Variants in ZFHX3 observed in about 807,000 individuals in gnomAD.
ZFHX3 encodes the protein zinc finger homeobox 3.
In ZFHX3, 42 loss-of-function variants were observed where a neutral mutation model predicts 279.1. The observed-to-expected ratio is 0.15, with a 90% CI of 0.12 to 0.19. The LOEUF (loss-of-function observed/expected upper bound fraction) is 0.19, where lower values mean the gene tolerates loss of function less well. Among genes scored for constraint, ZFHX3 ranks in the 10% least tolerant of loss-of-function variants. The pLI is 1.00. For synonymous variants in ZFHX3, 2,293 were observed against 1,957.8 expected (o/e 1.17, Z -4.52); for missense variants, 4,981 against 4,754.0 (o/e 1.05, Z -1.40).
chr16:73,357,785 A>C (rs2016369054), intron 3 of ZFHX3, among the ~76,000 whole-genome samples: 1 of 152,170 alleles, frequency 6.6e-6, no homozygotes, highest in Non-Finnish European at 1.5e-5. Flanking sequence ...TCACTCTGTC[A>C]GACTCCTCAC....
intron 2 of ZFHX3, among the ~76,000 whole-genome samples, chr16:73,525,453 C>G (rs543615583): frequency 3.9e-5 from 6 of 152,158 alleles, no homozygotes; most frequent in South Asian, 4.1e-4. Flanking sequence ...AAAAGAGGAT[C>G]TCACGGAAAA....
intron 1 of ZFHX3, among the ~76,000 whole-genome samples, chr16:73,054,417 G>C (rs1249236024): frequency 7.2e-6 from 1 of 138,044 alleles, no homozygotes; most frequent in East Asian, 2.2e-4. Context: ...TCCCGATACA[G>C]GAGGTCGGTA....
chr16:73,752,219 T>C (rs1423951892), intron 1 of ZFHX3, among the ~76,000 whole-genome samples: 2 of 152,186 alleles, frequency 1.3e-5, no homozygotes, highest in African/African-American at 2.4e-5. Context: ...TTGGATTCCA[T>C]GTGCGTCTCT....
At chr16:73,352,895 C>G (rs1242652809) in intron 3 of ZFHX3, among the ~76,000 whole-genome samples, 1 of 152,152 alleles carries the variant, frequency 6.6e-6, no homozygotes, top group South Asian at 2.1e-4. Flanking sequence ...TCCAGCCTGG[C>G]CTCCCTAAAC....
At chr16:73,068,260 A>G (rs1479713572) in intron 8 of ZFHX3, among the ~76,000 whole-genome samples, 2 of 152,146 alleles carry the variant, frequency 1.3e-5, no homozygotes, top group African/African-American at 4.8e-5. Context: ...TTTCTATTAC[A>G]CCAGTTGCCT....
intron 5 of ZFHX3, among the ~76,000 whole-genome samples, chr16:73,256,186 G>T (rs755922464): frequency 1.3e-5 from 2 of 152,080 alleles, no homozygotes; most frequent in African/African-American, 2.4e-5. Flanking sequence ...TCATTCAATT[G>T]CAGTCAAGGG....
At chr16:73,148,304 A>G (rs143570164) in intron 5 of ZFHX3, among the ~76,000 whole-genome samples, 3 of 152,334 alleles carry the variant, frequency 2.0e-5, no homozygotes, top group African/African-American at 7.2e-5. Flanking sequence ...CTAAAATCTT[A>G]TGTGGAAATT....
chr16:72,793,290 C>G lies in ZFHX3; in HGVS notation c.9392G>C (p.Ser3131Thr), dbSNP rs1164976265. 3 of 1,613,954 alleles carry G rather than the reference C, an allele frequency of 1.9e-6. No homozygotes were observed. Among genetic ancestry groups the G allele is most frequent in the Non-Finnish European group, 2.5e-6 (3 of 1,179,884 alleles). ...TGGAGTAAAGCCTGGCAAGGAGGGG[C>G]TGTTGAGGCCCGGGAGCAACACAGG... is the stretch of plus-strand genomic sequence containing the variant. ...IPPVLLPGLN[S>T]PSLPGFTPSN... Residue 3131 changes from serine to threonine, a missense_variant, in exon 9 of 10, where the codon AGC becomes ACC. Coordinates refer to ENST00000268489, the MANE Select transcript of ZFHX3 (RefSeq NM_006885.4). The surrounding 1 kb of genome is among the most constrained non-coding windows in gnomAD (Gnocchi z 4.3).
intron 3 of ZFHX3, among the ~76,000 whole-genome samples, chr16:73,339,431 G>T (rs2015986367): frequency 6.6e-6 from 1 of 152,204 alleles, no homozygotes; most frequent in Admixed American, 6.5e-5. Context: ...TGCTCAACAG[G>T]TATTTGTTAA....
At chr16:73,448,340 C>T (rs1233337727) in intron 3 of ZFHX3, among the ~76,000 whole-genome samples, 8 of 152,126 alleles carry the variant, frequency 5.3e-5, no homozygotes, top group Non-Finnish European at 5.9e-5. Flanking sequence ...ATATGGCACA[C>T]ATTTACCAAA....
chr16:73,730,308 C>T (rs1004781090), intron 1 of ZFHX3, among the ~76,000 whole-genome samples: 3 of 79,498 alleles, frequency 3.8e-5, no homozygotes, highest in Admixed American at 1.7e-4. Context: ...TCTGTTACAA[C>T]AAAATCACTC....
chr16:73,503,003 C>T (rs984184505), intron 2 of ZFHX3, among the ~76,000 whole-genome samples: 11 of 152,222 alleles, frequency 7.2e-5, no homozygotes, highest in Admixed American at 2.0e-4. Context: ...CATGTGGCTT[C>T]GTGATGGGAT....
chr16:73,680,405 G>C (rs901160090), intron 1 of ZFHX3, among the ~76,000 whole-genome samples: 1 of 152,172 alleles, frequency 6.6e-6, no homozygotes, highest in Non-Finnish European at 1.5e-5. Flanking sequence ...GTCACGGCTC[G>C]AATGAATGTT....
chr16:73,132,749 A>G (rs552092193), intron 6 of ZFHX3, among the ~76,000 whole-genome samples: 3 of 152,330 alleles, frequency 2.0e-5, no homozygotes, highest in African/African-American at 7.2e-5. Flanking sequence ...TGATTCTTCA[A>G]GGGTTTGATT....
intron 3 of ZFHX3, among the ~76,000 whole-genome samples, chr16:73,408,028 G>T (rs2017395892): frequency 6.6e-6 from 1 of 152,054 alleles, no homozygotes; most frequent in African/African-American, 2.4e-5. Context: ...CCAAGAGGAG[G>T]GGAGTGAAAA....
intron 5 of ZFHX3, among the ~76,000 whole-genome samples, chr16:73,235,446 A>T (rs2012913562): frequency 6.6e-6 from 1 of 152,000 alleles, no homozygotes; most frequent in African/African-American, 2.4e-5. Flanking sequence ...ACTGTACTTC[A>T]CTGATTTGGC....
intron 1 of ZFHX3, among the ~76,000 whole-genome samples, chr16:73,684,714 T>C (rs868560369): frequency 0.021 from 2,545 of 119,500 alleles, 10 homozygotes; most frequent in Non-Finnish European, 0.029. Flanking sequence ...TTTTTTTTTT[T>C]TTTGGAGATG....
At chr16:73,065,898 G>C (rs908556062) in intron 8 of ZFHX3, among the ~76,000 whole-genome samples, 1 of 152,218 alleles carries the variant, frequency 6.6e-6, no homozygotes, top group Non-Finnish European at 1.5e-5. Context: ...CCCATTCTCA[G>C]AAATAGAGAA....
At chr16:72,861,187 C>T (rs1336146357) in intron 4 of ZFHX3, among the ~76,000 whole-genome samples, 5 of 152,208 alleles carry the variant, frequency 3.3e-5, no homozygotes, top group Admixed American at 6.5e-5. Context: ...AGCCACTGGG[C>T]TGTCTTGTCA....
Sources: gnomAD v4.1 joint callset for allele counts (sites outside exome capture counted in the v4.1 genomes callset) on GRCh38, gnomAD v4.1.1 for gene constraint, Gnocchi (gnomAD v3.1) non-coding constraint, MANE v1.5 for transcripts, NCBI Gene and HGNC (gene_info 2026-07-23, HGNC 2026-07-21) for gene names.